ZC3H4: variants seen among roughly 807,000 people sequenced by gnomAD.
ZC3H4 encodes zinc finger CCCH domain-containing protein 4.
In ZC3H4, 13 loss-of-function variants were observed where a neutral mutation model predicts 108.3. The ratio of observed to expected loss-of-function variants is 0.12; its 90% confidence interval spans 0.08 to 0.19. The LOEUF (loss-of-function observed/expected upper bound fraction) is 0.19, where lower values mean the gene tolerates loss of function less well. Ranked by LOEUF, ZC3H4 falls within the 10% of genes least tolerant of loss-of-function variation. The pLI is 1.00. For missense variants in ZC3H4, 1,734 were observed against 1,838.8 expected (o/e 0.94, Z 1.04); for synonymous variants, 917 against 749.6 (o/e 1.22, Z -3.65).
In ZC3H4 at chr19:47,101,969, G is replaced by A. The variant is rs142185668; in HGVS notation, c.162-7361C>T. ...GAATTGCTTGAACCCATGAGGTGGA[G>A]GTTGCAGTAAGCTGAGACCATGCCA... On this transcript the variant is annotated intron_variant, in intron 2 of 14. Transcript: ENST00000253048. Among the ~76,000 whole-genome samples the A allele has an allele frequency of 5.4e-3, 824 of 152,180 alleles. 12 individuals are homozygous for A. The highest frequency in any genetic ancestry group is 0.019 in the African/African-American group (801 of 41,508).
chr19:47,071,533 C>A (rs452374), intron 13 of ZC3H4, among the ~76,000 whole-genome samples: 1 of 152,124 alleles, frequency 6.6e-6, no homozygotes, highest in Non-Finnish European at 1.5e-5. Context: ...CCCATGCTTC[C>A]GATTCCAGGC....
At chr19:47,071,340 G>GAAAA (rs899519771) in intron 13 of ZC3H4, among the ~76,000 whole-genome samples, 1 of 151,928 alleles carries the variant, frequency 6.6e-6, no homozygotes, top group African/African-American at 2.4e-5. Flanking sequence ...AATGCAAAAG[G>GAAAA]AAAAAAAGGC....
Position 47,089,946 on chromosome 19 carries a change from AACTGTAAGGG to A in ZC3H4, c.715+11_715+20del. 6.2e-7 allele frequency: 1 copy of A among 1,613,430 alleles called. No individual in the cohort carries two copies. Among genetic ancestry groups the A allele is most frequent in the Non-Finnish European group, 8.5e-7 (1 of 1,179,812 alleles). On this transcript the variant is annotated intron_variant, in intron 5 of 14. Transcript: ENST00000253048. ...GGTGGCTCCGATGCCCCAGAGGAGA[AACTGTAAGGG>A]CAGGGCTCACCTCGGCCGCGGCTGC...
chr19:47,067,204 TGGG>T lies in ZC3H4; in HGVS notation c.3061_3063del (p.Pro1021del), dbSNP rs1340521028. Reference sequence around the variant, plus strand: ...GAGGCGCCCGGGCGCTGCCGGGCGTTGGGGGGCCCTGCCGTGGCAGCGCGGTGC... The same window carrying T: ...GAGGCGCCCGGGCGCTGCCGGGCGTTGGGCCCTGCCGTGGCAGCGCGGTGC... On this transcript the variant is annotated inframe_deletion, in exon 15 of 15. Transcript: ENST00000253048. This position sits in a 1 kb window ranked among gnomAD's most constrained non-coding sequence, Gnocchi z 6.4. 1.2e-6 allele frequency: 2 copies of T among 1,609,050 alleles called. No individual in the cohort carries two copies.
intron 2 of ZC3H4, among the ~76,000 whole-genome samples, chr19:47,108,292 A>C (rs2057992672): frequency 6.6e-6 from 1 of 152,070 alleles, no homozygotes. Context: ...TGGGGACCAA[A>C]ATTAAGTTCT....
rs538589151 is a variant in ZC3H4, at chr19:47,064,917, C to G, written c.*1439G>C. 5 of 152,076 alleles carry G rather than the reference C, an allele frequency of 3.3e-5. No individual in the cohort carries two copies. Among genetic ancestry groups the G allele is most frequent in the African/African-American group, 1.2e-4 (5 of 41,384 alleles). The allele number at this position is 152,076 out of a possible 1,614,324, so 9.4% of individuals were successfully genotyped here. A position where few individuals can be genotyped will look rare whatever the true frequency, so the allele number is the denominator to read the frequency against. On this transcript the variant is annotated 3_prime_UTR_variant, in exon 15 of 15. Transcript: ENST00000253048. ...ACCCTGAGGAGGAGGGAAGGGGAAT[C>G]CCTTGGCAGGTAACTAGGTCTCTTC...
intron 10 of ZC3H4, 67 bp from the exon 11 acceptor site, chr19:47,081,689 G>A: frequency 7.4e-7 from 1 of 1,343,392 alleles, no homozygotes; most frequent in South Asian, 1.2e-5. Flanking sequence ...ACAGACCCAA[G>A]GCAGAATCCA....
At chr19:47,071,217 G>A (rs377650782) in intron 13 of ZC3H4, among the ~76,000 whole-genome samples, 47 of 152,294 alleles carry the variant, frequency 3.1e-4, no homozygotes, top group South Asian at 2.1e-4. Flanking sequence ...GCAACTGAGC[G>A]AGGACAGTGG....
intron 9 of ZC3H4, among the ~76,000 whole-genome samples, chr19:47,083,035 A>G (rs2057551280): frequency 6.6e-6 from 1 of 152,036 alleles, no homozygotes; most frequent in African/African-American, 2.4e-5. Context: ...ATGCCTATTC[A>G]TTTGTCTTAA....
Position 47,072,624 on chromosome 19 carries a change from C to T in ZC3H4, c.1530G>A (p.Pro510=), listed in dbSNP as rs143699469. The change falls in exon 12 of 15, where the codon CCG becomes CCA. Residue 510 remains proline, a synonymous_variant. Coordinates refer to ENST00000253048, the MANE Select transcript of ZC3H4 (RefSeq NM_015168.2). The surrounding 1 kb of genome is among the most constrained non-coding windows in gnomAD (Gnocchi z 5.6). The stretch of plus-strand genomic sequence containing the variant: ...TGGGCAGGAGGCCCACACCAGGGGG[C>T]GGTTTGGGCAGGGGGTTGATGCCCT... The part of the protein sequence containing the change: ...KKQGINPLPK[P]PPGVGLLPTP... 2,596 of 1,610,774 alleles carry T rather than the reference C, an allele frequency of 1.6e-3. 27 individuals carry two copies. In the African/African-American group the frequency reaches 0.03, roughly 19 times the overall value.
intron 5 of ZC3H4, among the ~76,000 whole-genome samples, chr19:47,087,342 CTAATT>C (rs2122910636): frequency 6.6e-6 from 1 of 151,404 alleles, no homozygotes; most frequent in East Asian, 1.9e-4. Context: ...TCTCATTTGT[CTAATT>C]TGATTACACG....
intron 5 of ZC3H4, among the ~76,000 whole-genome samples, chr19:47,087,989 T>A (rs974465277): frequency 4.8e-5 from 7 of 146,722 alleles, no homozygotes; most frequent in Admixed American, 4.1e-4. Context: ...CTGGCTAACA[T>A]GGTGAAACCT....
Position 47,093,765 on chromosome 19 carries a change from G to A in ZC3H4, c.492+205C>T, listed in dbSNP as rs1436043496. The A allele has an allele frequency of 1.9e-5, 9 of 465,860 alleles. No homozygotes were observed. The Admixed American group carries it at 3.2e-4, about 17-fold the overall frequency. The allele number at this position is 465,860 out of a possible 1,614,324, so 28.9% of individuals were successfully genotyped here. ...CCTGGTTAATTTTTTTATTTTTTGT[G>A]GGGTCTCACTTGGTTGTCTGGGCTG... is the stretch of plus-strand genomic sequence containing the variant. On this transcript the variant is annotated intron_variant, in intron 4 of 14. Coordinates refer to ENST00000253048, the MANE Select transcript of ZC3H4 (RefSeq NM_015168.2).
chr19:47,076,109 C>T lies in ZC3H4; in HGVS notation c.1441-3396G>A, dbSNP rs188026453. On this transcript the variant is annotated intron_variant, in intron 11 of 14. Transcript: ENST00000253048. ...CCCATTAGGCCATGTGAATAAGCTC[C>T]AGGCCACTGGTCACCAACGCTGTTG... Among the ~76,000 whole-genome samples the T allele has an allele frequency of 3.3e-5, 5 of 152,346 alleles. No individual in the cohort carries two copies. In the East Asian group the frequency reaches 9.6e-4, roughly 29 times the overall value.
chr19:47,067,252 G>A lies in ZC3H4; in HGVS notation c.3016C>T (p.Pro1006Ser). The change falls in exon 15 of 15, where the codon CCC becomes TCC. Residue 1006 changes from proline to serine, a missense_variant. By Grantham distance (74) the Pro-to-Ser change is moderately conservative. Around this residue, in one of 9 missense-constraint regions of ZC3H4, gnomAD observed 518 missense variants for 499.6 expected, o/e 1.04. Transcript: ENST00000253048. This position sits in a 1 kb window ranked among gnomAD's most constrained non-coding sequence, Gnocchi z 6.4. The stretch of plus-strand genomic sequence containing the variant: ...CGGTGCAGCCGGGGGTCCAGGGTGG[G>A]CATGGATTGCAGGGCCGCGGGCACG... The part of the protein sequence containing the change: ...PPVPAALQSM[P>S]TLDPRLHRAA... The A allele has an allele frequency of 6.3e-7, 1 of 1,598,730 alleles. No homozygotes were observed. The highest frequency in any genetic ancestry group is 1.3e-5 in the African/African-American group (1 of 74,534).
At chr19:47,081,738 G>A (rs2057527128) in intron 10 of ZC3H4, 116 bp from the exon 11 acceptor site, 4 of 901,246 alleles carry the variant, frequency 4.4e-6, no homozygotes, top group African/African-American at 1.6e-5. Flanking sequence ...TGAGCCCAGA[G>A]AGGTGAGGCG....
chr19:47,074,341 C>G (rs1210734841), intron 11 of ZC3H4, among the ~76,000 whole-genome samples: 3 of 152,236 alleles, frequency 2.0e-5, no homozygotes, highest in Non-Finnish European at 4.4e-5. Context: ...CCATCAACTC[C>G]AAGAGGGCAG....
chr19:47,096,368 G>A (rs902659270), intron 2 of ZC3H4, among the ~76,000 whole-genome samples: 1 of 152,236 alleles, frequency 6.6e-6, no homozygotes, highest in Non-Finnish European at 1.5e-5. Flanking sequence ...TCCTGACAAG[G>A]GAGGTGCCTT....
intron 9 of ZC3H4, 26 bp downstream of exon 9, chr19:47,084,319 G>A: frequency 1.2e-6 from 2 of 1,611,006 alleles, no homozygotes; most frequent in Non-Finnish European, 8.5e-7. Context: ...GCCTCCTAGA[G>A]GTGCCCAGCT....
Sources: gnomAD v4.1 joint callset for allele counts (sites outside exome capture counted in the v4.1 genomes callset) on GRCh38, gnomAD v4.1.1 for gene constraint, gnomAD v4.1.1 regional missense constraint, Gnocchi (gnomAD v3.1) non-coding constraint, MANE v1.5 for transcripts, NCBI Gene and HGNC (gene_info 2026-07-23, HGNC 2026-07-21) for gene names.